The following UBE2W variants were observed in gnomAD, a reference collection of about 807,000 sequenced individuals.
UBE2W encodes the protein ubiquitin conjugating enzyme E2 W, also known as ubiquitin-conjugating enzyme E2 W.
UBE2W carries 18 observed loss-of-function variants against 27.2 expected under a neutral mutation model. That is an observed-to-expected ratio of 0.66 (90% CI 0.46 to 0.98). The LOEUF (loss-of-function observed/expected upper bound fraction) is 0.98, where lower values mean the gene tolerates loss of function less well. Ranked by LOEUF, UBE2W falls within the 50% of genes least tolerant of loss-of-function variation. UBE2W has a pLI of 0.00. For synonymous variants in UBE2W, 53 were observed against 57.2 expected (o/e 0.93, Z 0.33); for missense variants, 90 against 180.2 (o/e 0.50, Z 2.87).
chr8:73,799,140 C>T (rs1055387955), intron 5 of UBE2W, among the ~76,000 whole-genome samples: 1 of 152,072 alleles, frequency 6.6e-6, no homozygotes, highest in Non-Finnish European at 1.5e-5. Context: ...TGTGCAGTCA[C>T]TATCAATACA....
At position 73,866,268 on chromosome 8, in the gene UBE2W, T is replaced by TAAAAAAA. The variant is rs10568367; in HGVS notation, c.15+12533_15+12539dup. On this transcript the variant is annotated intron_variant, in intron 1 of 5. Transcript: ENST00000602593. ...CCTGGTGACAAAGCAAGACTTGGTCTAAAAAAAAAAAAAAAAAAAAAAATA... is the reference window on the plus strand; with the variant it reads ...CCTGGTGACAAAGCAAGACTTGGTCTAAAAAAAAAAAAAAAAAAAAAAAAAAAAAATA... Among the ~76,000 whole-genome samples, 27 of 42,304 alleles carry TAAAAAAA rather than the reference T, an allele frequency of 6.4e-4. 2 individuals are homozygous for TAAAAAAA. The highest frequency in any genetic ancestry group is 2.0e-3 in the African/African-American group (26 of 13,176). The allele number at this position is 42,304 out of a possible 152,430, so 27.8% of individuals were successfully genotyped here. A position where few individuals can be genotyped will look rare whatever the true frequency, so the allele number is the denominator to read the frequency against.
intron 1 of UBE2W, chr8:73,833,911 C>G (rs1012753099): frequency 6.6e-6 from 1 of 152,118 alleles, no homozygotes; most frequent in Non-Finnish European, 1.5e-5. Flanking sequence ...GGTGGTCCCT[C>G]GCTCCCGAGA....
chr8:73,857,170 T>C (rs1811336854), intron 1 of UBE2W, among the ~76,000 whole-genome samples: 1 of 152,206 alleles, frequency 6.6e-6, no homozygotes, highest in African/African-American at 2.4e-5. Context: ...ACTGTGATTT[T>C]AGGGATTTTA....
At chr8:73,781,335 T>C (rs989967388), downstream of UBE2W, among the ~76,000 whole-genome samples, 5 of 150,902 alleles carry the variant, frequency 3.3e-5, no homozygotes, top group East Asian at 5.9e-4. Context: ...AATTAACCCA[T>C]AAACTGAGTA....
Position 73,791,226 on chromosome 8 carries a change from C to A in UBE2W, c.*2876G>T, listed in dbSNP as rs1170773497. The A allele has an allele frequency of 2.0e-6, 2 of 982,134 alleles. No homozygotes were observed. The highest frequency in any genetic ancestry group is 2.4e-6 in the Non-Finnish European group (2 of 829,142). 60.8% of individuals were successfully genotyped at this position (982,134 alleles called of 1,614,324 possible). A position where few individuals can be genotyped will look rare whatever the true frequency, so the allele number is the denominator to read the frequency against. ...ATTCTCTTAAAAACTGAAAACAATC[C>A]TTCTCTCTAAACCTATGGCATTAAT... On this transcript the variant is annotated 3_prime_UTR_variant, in exon 6 of 6. Coordinates refer to ENST00000602593, the MANE Select transcript of UBE2W (RefSeq NM_018299.6).
At chr8:73,805,479 A>AAAAAAAAAAAAAAAGAAC (rs1214080479) in intron 5 of UBE2W, among the ~76,000 whole-genome samples, 172 bp downstream of exon 5, 1 of 146,480 alleles carries the variant, frequency 6.8e-6, no homozygotes, top group Non-Finnish European at 1.5e-5. Context: ...AAACAAAAAA[A>AAAAAAAAAAAAAAAGAAC]ACTAGGGTAA....
chr8:73,843,632 C>T (rs1810638531), intron 1 of UBE2W, among the ~76,000 whole-genome samples: 1 of 151,832 alleles, frequency 6.6e-6, no homozygotes, highest in Admixed American at 6.6e-5. Flanking sequence ...GAGACCCTGT[C>T]TCTTTAAAAG....
At position 73,793,933 on chromosome 8, in the gene UBE2W, C is replaced by A. The variant is rs1471511620; in HGVS notation, c.*169G>T. 8 of 1,443,230 alleles carry A rather than the reference C, an allele frequency of 5.5e-6. No individual in the cohort carries two copies. The highest frequency in any genetic ancestry group is 7.3e-6 in the Non-Finnish European group (8 of 1,095,946). 89.4% of individuals were successfully genotyped at this position (1,443,230 alleles called of 1,614,324 possible). ...ATGTCAGTTGCCTGGACTGAACCAG[C>A]GATCAACATGCGCCCAGAATGCACA... On this transcript the variant is annotated 3_prime_UTR_variant, in exon 6 of 6. Coordinates refer to ENST00000602593, the MANE Select transcript of UBE2W (RefSeq NM_018299.6).
At chr8:73,804,539 A>C (rs1279782087) in intron 5 of UBE2W, among the ~76,000 whole-genome samples, 1 of 148,598 alleles carries the variant, frequency 6.7e-6, no homozygotes, top group African/African-American at 2.6e-5. Context: ...ATACAACTAC[A>C]ATCAGCAGAA....
intron 1 of UBE2W, among the ~76,000 whole-genome samples, chr8:73,866,289 AAATAT>A (rs1368000456): frequency 5.6e-5 from 5 of 88,888 alleles, no homozygotes; most frequent in African/African-American, 1.0e-4. Flanking sequence ...AAAAAAAAAA[AAATAT>A]ATATATATAT....
chr8:73,839,347 TAA>T (rs34467910), intron 1 of UBE2W, among the ~76,000 whole-genome samples: 7,929 of 131,660 alleles, frequency 0.06, 743 homozygotes, highest in African/African-American at 0.2. Context: ...TGCTCCTAGT[TAA>T]AAAAAAAAAA....
intron 4 of UBE2W, chr8:73,780,637 T>G (rs1203420146): frequency 2.8e-6 from 1 of 358,816 alleles, no homozygotes; most frequent in East Asian, 7.4e-5. Context: ...TCTTCACACC[T>G]TAGTTTCCAG....
intron 5 of UBE2W, among the ~76,000 whole-genome samples, chr8:73,805,016 C>T (rs1253162664): frequency 1.3e-5 from 2 of 152,030 alleles, no homozygotes; most frequent in African/African-American, 4.8e-5. Context: ...GGCCACCATG[C>T]CTGGGCTCCC....
chr8:73,791,392 TAAATA>T lies in UBE2W; in HGVS notation c.*2705_*2709del, dbSNP rs1193870120. The T allele has an allele frequency of 1.0e-6, 1 of 983,172 alleles. No individual in the cohort carries two copies. Among genetic ancestry groups the T allele is most frequent in the African/African-American group, 1.8e-5 (1 of 56,888 alleles). The allele number at this position is 983,172 out of a possible 1,614,324, so 60.9% of individuals were successfully genotyped here. A position where few individuals can be genotyped will look rare whatever the true frequency, so the allele number is the denominator to read the frequency against. ...AATGGCCTAAAAATAAATAAATAAA[TAAATA>T]AAAGAAGAAGAGTGTACCTTATCTT... is the stretch of plus-strand genomic sequence containing the variant. On this transcript the variant is annotated 3_prime_UTR_variant, in exon 6 of 6. Transcript: ENST00000602593.
At chr8:73,817,973 A>G (rs776799336) in intron 3 of UBE2W, among the ~76,000 whole-genome samples, 2 of 152,204 alleles carry the variant, frequency 1.3e-5, no homozygotes, top group Non-Finnish European at 2.9e-5. Context: ...ACATAAAACT[A>G]CAAGAGCCCA....
intron 3 of UBE2W, among the ~76,000 whole-genome samples, chr8:73,815,547 T>C (rs1169212085): frequency 1.3e-5 from 2 of 152,216 alleles, no homozygotes; most frequent in African/African-American, 4.8e-5. Flanking sequence ...CTCTGCATTA[T>C]TGCTAAGAAC....
At chr8:73,781,453 A>C (rs942091358), downstream of UBE2W, among the ~76,000 whole-genome samples, 3 of 151,880 alleles carry the variant, frequency 2.0e-5, no homozygotes, top group African/African-American at 7.3e-5. Flanking sequence ...CAACGGGGGA[A>C]TGCAAACACA....
rs948623187 is a variant in UBE2W, at chr8:73,788,465, A to C, written c.*5637T>G. 27 of 985,316 alleles carry C rather than the reference A, an allele frequency of 2.7e-5. No homozygotes were observed. Among genetic ancestry groups the C allele is most frequent in the African/African-American group, 3.5e-5 (2 of 57,236 alleles). 61.0% of individuals were successfully genotyped at this position (985,316 alleles called of 1,614,324 possible). ...AACATGCATTTAGTTTTTGGCTACT[A>C]ATCAACCCAATAATCCATTTTACCT... On this transcript the variant is annotated 3_prime_UTR_variant, in exon 6 of 6. Coordinates refer to ENST00000602593, the MANE Select transcript of UBE2W (RefSeq NM_018299.6).
intron 1 of UBE2W, among the ~76,000 whole-genome samples, chr8:73,866,999 G>A (rs1438916560): frequency 2.1e-5 from 3 of 145,004 alleles, no homozygotes; most frequent in East Asian, 2.0e-4. Context: ...GCGAGGCTCC[G>A]TCCCAAAAAA....
Sources: gnomAD v4.1 joint callset for allele counts (sites outside exome capture counted in the v4.1 genomes callset) on GRCh38, gnomAD v4.1.1 for gene constraint, MANE v1.5 for transcripts, NCBI Gene and HGNC (gene_info 2026-07-23, HGNC 2026-07-21) for gene names.